ABCF1: variants seen among roughly 807,000 people sequenced by gnomAD.
ABCF1 encodes the protein ATP binding cassette subfamily F member 1.
A neutral mutation model predicts 126.3 loss-of-function variants in ABCF1; 73 were observed. The observed-to-expected ratio is 0.58, with a 90% CI of 0.48 to 0.70. ABCF1 has a LOEUF of 0.70. Among genes scored for constraint, ABCF1 ranks in the 30% least tolerant of loss-of-function variants. ABCF1 has a pLI of 0.00. For synonymous variants in ABCF1, 345 were observed against 396.4 expected (o/e 0.87, Z 1.54); for missense variants, 786 against 1,057.5 (o/e 0.74, Z 3.56).
chr6:30,580,360 G>GA (rs71533814), intron 7 of ABCF1, 46 bp from the exon 8 acceptor site: 16,057 of 1,001,320 alleles, frequency 0.016, no homozygotes, highest in Non-Finnish European at 0.019. Context: ...AAAAAAAAAA[G>GA]AAAAAAAAAA....
intron 1 of ABCF1, among the ~76,000 whole-genome samples, chr6:30,577,067 G>T (rs1476142313): frequency 6.6e-6 from 1 of 152,116 alleles, no homozygotes. Context: ...CTTTTCTTTT[G>T]GAACCTTCAG....
Position 30,583,756 on chromosome 6 carries a change from GAA to G in ABCF1, c.1017-48_1017-47del. On this transcript the variant is annotated intron_variant, in intron 11 of 24. Transcript: ENST00000326195. This position sits in a 1 kb window ranked among gnomAD's most constrained non-coding sequence, Gnocchi z 4.1. ...GGCAAAAAAGGGCCTGGAGGGAAAA[GAA>G]GAGATTTCTCAGTGGTGGCCAGGTC... 6.2e-7 allele frequency: 1 copy of G among 1,613,782 alleles called. No homozygotes were observed. The highest frequency in any genetic ancestry group is 8.5e-7 in the Non-Finnish European group (1 of 1,179,700).
At position 30,583,214 on chromosome 6, in the gene ABCF1, G is replaced by A. The variant is rs370372192; in HGVS notation, c.915+26G>A. 1.9e-6 allele frequency: 3 copies of A among 1,588,976 alleles called. No homozygotes were observed. Among genetic ancestry groups the A allele is most frequent in the Non-Finnish European group, 2.6e-6 (3 of 1,161,712 alleles). On this transcript the variant is annotated intron_variant, in intron 10 of 24. Transcript: ENST00000326195. The surrounding 1 kb of genome is among the most constrained non-coding windows in gnomAD (Gnocchi z 4.1). Reference sequence around the variant, plus strand: ...GTAAGGTCTCAAGGGGCCCCTTCCAGTCCACTTACCTAGGGAAGAGCCAGT... The same window carrying A: ...GTAAGGTCTCAAGGGGCCCCTTCCAATCCACTTACCTAGGGAAGAGCCAGT...
chr6:30,575,658 A>G (rs1801460105), intron 1 of ABCF1, among the ~76,000 whole-genome samples: 1 of 152,032 alleles, frequency 6.6e-6, no homozygotes, highest in South Asian at 2.1e-4. Context: ...CAGACAGGTA[A>G]ATATGACACA....
chr6:30,590,116 A>G (rs761017058), intron 22 of ABCF1, 33 bp from the exon 23 acceptor site: 2 of 1,612,746 alleles, frequency 1.2e-6, no homozygotes, highest in African/African-American at 2.7e-5. Context: ...GTGAGGTGCT[A>G]GGTGTGACAG....
At chr6:30,587,128 C>T (rs1465161987) in intron 20 of ABCF1, among the ~76,000 whole-genome samples, 4 of 152,152 alleles carry the variant, frequency 2.6e-5, no homozygotes, top group African/African-American at 9.6e-5. Context: ...GTGGCGCGCA[C>T]CTATATCCTA....
chr6:30,578,230 C>T (rs754426073), intron 4 of ABCF1, 28 bp downstream of exon 4: 2 of 1,613,504 alleles, frequency 1.2e-6, no homozygotes, highest in African/African-American at 1.3e-5. Flanking sequence ...GAATGGGTAC[C>T]TGGAATCCAT....
At chr6:30,578,640 T>A in intron 6 of ABCF1, 63 bp downstream of exon 6, 1 of 1,401,714 alleles carries the variant, frequency 7.1e-7, no homozygotes. Flanking sequence ...CATGGTGGAG[T>A]AATTTCCCGC....
intron 1 of ABCF1, among the ~76,000 whole-genome samples, chr6:30,576,276 C>CTTTTTTTTTTTTTTTTTTT (rs9256927): frequency 4.5e-5 from 2 of 44,160 alleles, no homozygotes; most frequent in East Asian, 1.5e-3. Flanking sequence ...TCTGAGTGCT[C>CTTTTTTTTTTTTTTTTTTT]TTTTTTTTTT....
intron 1 of ABCF1, among the ~76,000 whole-genome samples, chr6:30,571,787 G>C (rs1365282844): frequency 6.6e-6 from 1 of 152,130 alleles, no homozygotes; most frequent in East Asian, 1.9e-4. Context: ...GACTGGGCGA[G>C]ATAAAAGAAA....
In ABCF1 at chr6:30,571,501, C is replaced by G. The variant is rs759683043; in HGVS notation, c.14C>G (p.Pro5Arg). The G allele has an allele frequency of 1.2e-6, 2 of 1,611,050 alleles. No homozygotes were observed. The highest frequency in any genetic ancestry group is 2.2e-5 in the South Asian group (2 of 90,798). The change falls in exon 1 of 25, where the codon CCC becomes CGC. Residue 5 changes from proline (P) to arginine (R), a missense_variant. Around this residue, in one of 4 missense-constraint regions of ABCF1, gnomAD observed 322 missense variants for 322.9 expected, o/e 1.00. Coordinates refer to ENST00000326195, the MANE Select transcript of ABCF1 (RefSeq NM_001025091.2). ...ACTGCCACCGCGATGCCGAAGGCGC[C>G]CAAGCAGCAGCCGCCGGAGCCCGAG... Reference protein sequence around the residue: MPKAPKQQPPEPEWI... With the variant: MPKARKQQPPEPEWI...
intron 2 of ABCF1, 42 bp from the exon 3 acceptor site, chr6:30,577,776 C>T: frequency 1.3e-6 from 2 of 1,598,762 alleles, no homozygotes; most frequent in South Asian, 2.2e-5. Context: ...GCTTGGATTG[C>T]TCTTGGAAAC....
intron 20 of ABCF1, chr6:30,589,388 G>A: frequency 2.2e-6 from 1 of 459,932 alleles, no homozygotes. Flanking sequence ...GTATGGACGA[G>A]GTCAGGAGAT....
chr6:30,579,385 ATACTCATTTAGGG>A (rs1423236835), intron 6 of ABCF1, among the ~76,000 whole-genome samples: 1 of 151,704 alleles, frequency 6.6e-6, no homozygotes, highest in African/African-American at 2.4e-5. Context: ...TGTGAAAGTC[ATACTCATTTAGGG>A]TACTCCTCAA....
At chr6:30,582,303 G>A (rs1269866859) in intron 8 of ABCF1, 91 bp from the exon 9 acceptor site, 9 of 732,790 alleles carry the variant, frequency 1.2e-5, no homozygotes, top group East Asian at 2.7e-5. Context: ...GGATCTGCCC[G>A]CTTTGGCTTC....
At position 30,585,956 on chromosome 6, in the gene ABCF1, G is replaced by A. The variant is rs536368215; in HGVS notation, c.1678G>A (p.Glu560Lys). The change falls in exon 17 of 25, where the codon GAG (glutamate) becomes AAG (lysine). Residue 560 changes from glutamate to lysine, a missense_variant. Physicochemically the swap from Glu to Lys is moderately conservative, Grantham distance 56. Coordinates refer to ENST00000326195, the MANE Select transcript of ABCF1 (RefSeq NM_001025091.2). ...QYEKQEKKLK[E>K]LKAGGKSTKQ... ...TGAGAAGCAAGAGAAAAAGCTGAAGGAGCTGAAGGCAGGCGGGAAGTCCAC... is the reference window on the plus strand; with the variant it reads ...TGAGAAGCAAGAGAAAAAGCTGAAGAAGCTGAAGGCAGGCGGGAAGTCCAC... The A allele has an allele frequency of 4.3e-6, 7 of 1,610,960 alleles. No individual in the cohort carries two copies. Among genetic ancestry groups the A allele is most frequent in the Middle Eastern group, 1.6e-4 (1 of 6,084 alleles).
Position 30,574,689 on chromosome 6 carries a change from AT to A in ABCF1, c.74-2712del, listed in dbSNP as rs894170810. Among the ~76,000 whole-genome samples the A allele has an allele frequency of 7.9e-5, 12 of 151,824 alleles. No individual in the cohort carries two copies. The highest frequency in any genetic ancestry group is 2.7e-4 in the African/African-American group (11 of 41,308). On this transcript the variant is annotated intron_variant, in intron 1 of 24. Coordinates refer to ENST00000326195, the MANE Select transcript of ABCF1 (RefSeq NM_001025091.2). The surrounding 1 kb of genome is among the most constrained non-coding windows in gnomAD (Gnocchi z 4.3). ...ACTAGTCACCCAATACTGGGCTCAG[AT>A]TTTTTTTCTTTAACTTTTTTGTTTG...
In ABCF1 at chr6:30,571,473, G is replaced by A; in HGVS notation, c.-15G>A. On this transcript the variant is annotated 5_prime_UTR_variant, in exon 1 of 25. Coordinates refer to ENST00000326195, the MANE Select transcript of ABCF1 (RefSeq NM_001025091.2). The stretch of plus-strand genomic sequence containing the variant: ...AGCACCGGGCGCCGCCACAGTAGCT[G>A]TAACTGCCACCGCGATGCCGAAGGC... 6.2e-7 allele frequency: 1 copy of A among 1,606,976 alleles called. No homozygotes were observed.
In ABCF1 at chr6:30,582,624, G is replaced by C. The variant is rs1801885118; in HGVS notation, c.792+117G>C. 4.8e-6 allele frequency: 5 copies of C among 1,051,048 alleles called. No individual in the cohort carries two copies. The South Asian group carries it at 7.5e-5, about 16-fold the overall frequency. 65.1% of individuals were successfully genotyped at this position (1,051,048 alleles called of 1,614,324 possible). ...GGGGCTACTCCAAGTAAAACAATCG[G>C]AGTAAGAAAATAATTGTGTTCTGTG... On this transcript the variant is annotated intron_variant, in intron 9 of 24. Transcript: ENST00000326195.
Sources: gnomAD v4.1 joint callset for allele counts (sites outside exome capture counted in the v4.1 genomes callset) on GRCh38, gnomAD v4.1.1 for gene constraint, gnomAD v4.1.1 regional missense constraint, Gnocchi (gnomAD v3.1) non-coding constraint, MANE v1.5 for transcripts, NCBI Gene and HGNC (gene_info 2026-07-23, HGNC 2026-07-21) for gene names.